The following UBR3 variants were observed in gnomAD, a reference collection of about 807,000 sequenced individuals.
UBR3 encodes ubiquitin protein ligase E3 component n-recognin 3.
A neutral mutation model predicts 243.2 loss-of-function variants in UBR3; 85 were observed. The observed-to-expected ratio is 0.35, with a 90% CI of 0.29 to 0.42. The LOEUF is 0.42. Among genes scored for constraint, UBR3 ranks in the 10% least tolerant of loss-of-function variants. The pLI, the probability that UBR3 is intolerant of heterozygous loss-of-function variation, is 1.00. For missense variants in UBR3, 1,686 were observed against 2,300.8 expected (o/e 0.73, Z 5.47); for synonymous variants, 748 against 799.8 (o/e 0.94, Z 1.09).
chr2:170,024,184 C>G (rs1256021418), intron 30 of UBR3, among the ~76,000 whole-genome samples: 1 of 151,698 alleles, frequency 6.6e-6, no homozygotes, highest in Non-Finnish European at 1.5e-5. Flanking sequence ...GAAACCCCGT[C>G]TCTACTAAAA....
intron 32 of UBR3, among the ~76,000 whole-genome samples, chr2:170,052,985 C>G (rs999252302): frequency 7.9e-5 from 12 of 152,094 alleles, no homozygotes; most frequent in African/African-American, 2.9e-4. Context: ...TCAATTATAC[C>G]TCAGTAAAGC....
chr2:169,942,683 A>C (rs1352002644), intron 20 of UBR3, 49 bp downstream of exon 20: 3 of 1,440,624 alleles, frequency 2.1e-6, no homozygotes, highest in Non-Finnish European at 2.7e-6. Flanking sequence ...TTTATTTTCA[A>C]ATAATAATCC....
In UBR3 at chr2:170,060,446, TAATA is replaced by T. The variant is rs199543884; in HGVS notation, c.4786-629_4786-626del. 5.5e-3 allele frequency among the ~76,000 whole-genome samples: 843 copies of T among 152,216 alleles called. 8 individuals are homozygous for T. Among genetic ancestry groups the T allele is most frequent in the African/African-American group, 0.019 (792 of 41,568 alleles). Reference sequence around the variant, plus strand: ...ATTTTATTTTTATAGTGTATTATTTTAATAAATCCTCAAAGACATTTGAGGGAAA... The same window carrying T: ...ATTTTATTTTTATAGTGTATTATTTTAATCCTCAAAGACATTTGAGGGAAA... On this transcript the variant is annotated intron_variant, in intron 33 of 38. Coordinates refer to ENST00000272793, the MANE Select transcript of UBR3 (RefSeq NM_172070.4).
At chr2:169,966,692 C>T (rs778130835) in intron 24 of UBR3, among the ~76,000 whole-genome samples, 15 of 152,118 alleles carry the variant, frequency 9.9e-5, no homozygotes, top group Non-Finnish European at 1.9e-4. Context: ...CTCTCTACCT[C>T]GTTTTCACAT....
chr2:169,890,563 A>ATATGTGTG (rs1255881148), intron 5 of UBR3, among the ~76,000 whole-genome samples: 18 of 83,878 alleles, frequency 2.1e-4, no homozygotes, highest in South Asian at 4.2e-4. Context: ...ATATATATAT[A>ATATGTGTG]TGTGTATATA....
chr2:169,858,692 C>G (rs2082977273), intron 1 of UBR3, among the ~76,000 whole-genome samples: 1 of 152,048 alleles, frequency 6.6e-6, no homozygotes, highest in African/African-American at 2.4e-5. Flanking sequence ...TTTTGCCTCC[C>G]AGCTTCAAGC....
chr2:169,914,843 A>C (rs980856128), intron 11 of UBR3, among the ~76,000 whole-genome samples: 1 of 103,606 alleles, frequency 9.7e-6, no homozygotes, highest in Non-Finnish European at 2.0e-5. Flanking sequence ...GGCAAATTTT[A>C]TCTCTTGTGT....
chr2:170,015,110 G>T lies in UBR3; in HGVS notation c.4368-171G>T, dbSNP rs2090196889. 7.7e-6 allele frequency: 4 copies of T among 520,206 alleles called. No individual in the cohort carries two copies. The South Asian group carries it at 1.2e-4, about 15-fold the overall frequency. 32.2% of individuals were successfully genotyped at this position (520,206 alleles called of 1,614,324 possible). On this transcript the variant is annotated intron_variant, in intron 29 of 38. Transcript: ENST00000272793. ...TAAGGATGGATAAATTGTTCCCTTTGTATTTCTAAATATCAGATAAATATG... is the reference window on the plus strand; with the variant it reads ...TAAGGATGGATAAATTGTTCCCTTTTTATTTCTAAATATCAGATAAATATG...
chr2:169,832,703 G>A (rs2081977764), intron 1 of UBR3, among the ~76,000 whole-genome samples: 1 of 152,152 alleles, frequency 6.6e-6, no homozygotes, highest in African/African-American at 2.4e-5. Context: ...GGGAGGCCGA[G>A]GCAGGCGGAT....
chr2:169,854,905 A>G (rs544091560), intron 1 of UBR3, among the ~76,000 whole-genome samples: 2 of 152,326 alleles, frequency 1.3e-5, no homozygotes, highest in African/African-American at 2.4e-5. Context: ...AATACTATAT[A>G]TAATAAATTC....
intron 1 of UBR3, among the ~76,000 whole-genome samples, chr2:169,869,210 G>A (rs1399870257): frequency 2.5e-5 from 3 of 118,000 alleles, no homozygotes; most frequent in African/African-American, 9.2e-5. Context: ...TGCTAAGATT[G>A]ATAAGGTTTT....
intron 32 of UBR3, among the ~76,000 whole-genome samples, chr2:170,046,876 A>G (rs1268774243): frequency 6.6e-6 from 1 of 152,128 alleles, no homozygotes; most frequent in African/African-American, 2.4e-5. Flanking sequence ...TTGGATTTTA[A>G]TATATTTAGT....
chr2:169,929,970 A>G (rs2105348848), intron 18 of UBR3, among the ~76,000 whole-genome samples: 1 of 152,356 alleles, frequency 6.6e-6, no homozygotes, highest in Admixed American at 6.5e-5. Flanking sequence ...ACAAGGAGCA[A>G]GAAAATCCAG....
At chr2:169,894,149 G>T (rs1031836565) in intron 6 of UBR3, among the ~76,000 whole-genome samples, 3 of 151,648 alleles carry the variant, frequency 2.0e-5, no homozygotes, top group Non-Finnish European at 4.4e-5. Context: ...GCAAGACCAT[G>T]TCTCTTCAAA....
intron 1 of UBR3, among the ~76,000 whole-genome samples, chr2:169,837,583 A>AG (rs2082149524): frequency 6.6e-6 from 1 of 152,226 alleles, no homozygotes; most frequent in Admixed American, 6.5e-5. Context: ...GAAACGTAGA[A>AG]TCATGGTAGA....
chr2:169,839,235 G>T (rs1325282672), intron 1 of UBR3, among the ~76,000 whole-genome samples: 1 of 152,202 alleles, frequency 6.6e-6, no homozygotes, highest in Non-Finnish European at 1.5e-5. Flanking sequence ...GGTGGGACTG[G>T]AGGTCATTAT....
At chr2:169,857,797 G>A (rs1160595607) in intron 1 of UBR3, among the ~76,000 whole-genome samples, 1 of 152,202 alleles carries the variant, frequency 6.6e-6, no homozygotes, top group East Asian at 1.9e-4. Context: ...CTGGAGTGCA[G>A]TGGCACTATC....
At chr2:170,029,531 AAT>A (rs2090616399) in intron 31 of UBR3, 83 bp downstream of exon 31, 4 of 1,036,836 alleles carry the variant, frequency 3.9e-6, no homozygotes, top group East Asian at 2.8e-5. Flanking sequence ...TTGAAATTTC[AAT>A]ATATGTGATT....
chr2:169,905,381 T>G, intron 9 of UBR3, 88 bp downstream of exon 9: 1 of 957,434 alleles, frequency 1.0e-6, no homozygotes, highest in Non-Finnish European at 1.4e-6. Flanking sequence ...CAATAGCACA[T>G]CATTCACGCT....
Sources: allele counts gnomAD v4.1 joint callset (sites outside exome capture counted in the v4.1 genomes callset), GRCh38; gene constraint gnomAD v4.1.1; transcripts MANE v1.5; gene names NCBI Gene and HGNC (gene_info 2026-07-23, HGNC 2026-07-21).